Variants in TG observed in about 807,000 individuals in gnomAD.
The protein encoded by TG is thyroglobulin, also known as thyroid hormones.
In TG, 270 loss-of-function variants were observed where a neutral mutation model predicts 324.7. That is an observed-to-expected ratio of 0.83 (90% confidence interval 0.75 to 0.92). TG has a LOEUF of 0.92. TG is among the 40% of genes least tolerant of loss of function. The pLI is 0.00. For missense variants in TG, 3,591 were observed against 3,456.4 expected (o/e 1.04, Z -0.98); for synonymous variants, 1,401 against 1,327.0 (o/e 1.06, Z -1.21).
chr8:132,927,657 C>T lies in TG; in HGVS notation c.4700-1419C>T, dbSNP rs575475004. On this transcript the variant is annotated intron_variant, in intron 22 of 47. Coordinates refer to ENST00000220616, the MANE Select transcript of TG (RefSeq NM_003235.5). ...TGCTGAAATGTGAAGATCTCTATCA[C>T]CAAGGTGTCTCTTTTCTGAAAACCA... Among the ~76,000 whole-genome samples the T allele has an allele frequency of 8.5e-5, 13 of 152,232 alleles. No individual in the cohort carries two copies. The South Asian group carries it at 1.2e-3, about 15-fold the overall frequency.
intron 27 of TG, among the ~76,000 whole-genome samples, chr8:132,949,652 T>C (rs897913665): frequency 2.0e-5 from 3 of 152,218 alleles, no homozygotes; most frequent in Non-Finnish European, 4.4e-5. Flanking sequence ...CAGGGGACCA[T>C]GGGCTCCATT....
chr8:132,968,710 G>A (rs533549667), intron 31 of TG, among the ~76,000 whole-genome samples: 1 of 152,324 alleles, frequency 6.6e-6, no homozygotes, highest in South Asian at 2.1e-4. Flanking sequence ...ATCCTGTTGG[G>A]TTGCCCTTTG....
chr8:132,947,154 T>C (rs28540916), intron 26 of TG, among the ~76,000 whole-genome samples: 21,263 of 152,098 alleles, frequency 0.14, 1,950 homozygotes, highest in African/African-American at 0.26. Flanking sequence ...AGACAAACCA[T>C]TCTTCCTTTC....
chr8:133,003,849 C>A (rs2130847866), intron 35 of TG, among the ~76,000 whole-genome samples: 1 of 152,304 alleles, frequency 6.6e-6, no homozygotes, highest in Non-Finnish European at 1.5e-5. Context: ...CCATATAGGG[C>A]TGTCCTGGGT....
chr8:133,002,881 T>C (rs551151174), intron 35 of TG: 2 of 381,024 alleles, frequency 5.2e-6, no homozygotes, highest in African/African-American at 2.2e-5. Context: ...CTGGGGAACA[T>C]TGTAAACGCT....
At chr8:133,084,902 G>A (rs1449915321) in intron 41 of TG, among the ~76,000 whole-genome samples, 1 of 152,244 alleles carries the variant, frequency 6.6e-6, no homozygotes, top group African/African-American at 2.4e-5. Context: ...TAGAGGGTGG[G>A]TAGTGTCATG....
At chr8:132,897,838 T>A (rs777550753) in intron 12 of TG, 52 bp downstream of exon 12, 144 of 1,608,332 alleles carry the variant, frequency 9.0e-5, no homozygotes, top group Middle Eastern at 2.0e-4. Context: ...CTTTTTTATT[T>A]TAGAGGACAG....
chr8:132,997,784 G>C (rs996521130), intron 35 of TG, among the ~76,000 whole-genome samples: 1 of 152,204 alleles, frequency 6.6e-6, no homozygotes, highest in Admixed American at 6.5e-5. Flanking sequence ...GCTAAAAAAA[G>C]AATTGTGGAA....
chr8:132,948,799 A>G lies in TG; in HGVS notation c.5257A>G (p.Ser1753Gly), dbSNP rs1471586935. The G allele has an allele frequency of 2.5e-6, 4 of 1,613,852 alleles. No individual in the cohort carries two copies. The highest frequency in any genetic ancestry group is 4.5e-5 in the East Asian group (2 of 44,854). ...QGGAIICGLL[S>G]SPSVLLCNVK... ...AGGTGCCATCATCTGTGGGTTGCTGAGCTCACCCAGTGTCCTGCTTTGTAA... is the reference window on the plus strand; with the variant it reads ...AGGTGCCATCATCTGTGGGTTGCTGGGCTCACCCAGTGTCCTGCTTTGTAA... Residue 1753 changes from serine (S) to glycine (G), a missense_variant, in exon 27 of 48, where the codon AGC becomes GGC. By Grantham distance (56) the Ser-to-Gly change is moderately conservative (BLOSUM62 0). Transcript: ENST00000220616.
At chr8:133,038,811 A>C (rs1208171296) in intron 41 of TG, 1 of 944,166 alleles carries the variant, frequency 1.1e-6, no homozygotes, top group Non-Finnish European at 1.7e-6. Context: ...GATAAAGGGC[A>C]AGAGAATGAG....
At chr8:132,868,503 T>G (rs2132026189) in intron 2 of TG, among the ~76,000 whole-genome samples, 1 of 152,300 alleles carries the variant, frequency 6.6e-6, no homozygotes, top group East Asian at 1.9e-4. Flanking sequence ...CATCACTTTT[T>G]CTGTGATGGC....
rs199983151 is a variant in TG, at chr8:132,888,102, C to T, written c.2295C>T (p.Thr765=). The T allele has an allele frequency of 7.4e-5, 120 of 1,613,982 alleles. No individual in the cohort carries two copies. Among genetic ancestry groups the T allele is most frequent in the Non-Finnish European group, 3.6e-5 (43 of 1,180,036 alleles). The part of the protein sequence containing the change: ...LSDTYIPQCS[T]DGQWRQVQCN... ...ACACCTACATCCCACAGTGCAGCAC[C>T]GATGGGCAGTGGAGACAAGTGCAAT... The change falls in exon 10 of 48, where the codon ACC becomes ACT. Residue 765 remains threonine, a synonymous_variant. Coordinates refer to ENST00000220616, the MANE Select transcript of TG (RefSeq NM_003235.5).
rs1396521541 is a variant in TG at position 132,966,573 on chromosome 8, A to G, written c.5562A>G (p.Glu1854=). 1 of 1,613,944 alleles carries G rather than the reference A, an allele frequency of 6.2e-7. No individual in the cohort carries two copies. Among genetic ancestry groups the G allele is most frequent in the Non-Finnish European group, 8.5e-7 (1 of 1,180,002 alleles). Residue 1854 remains glutamate (E), a synonymous_variant, in exon 30 of 48, where the codon GAA becomes GAG. Coordinates refer to ENST00000220616, the MANE Select transcript of TG (RefSeq NM_003235.5). ...ASPTEAGLTT[E]LFSPVDLNQV... is the part of the protein sequence containing the mutation. ...CTTCTTTTTCAGGTTTGACAACAGA[A>G]CTTTTCTCCCCTGTGGACCTCAACC...
intron 25 of TG, among the ~76,000 whole-genome samples, chr8:132,937,215 G>C (rs998541025): frequency 6.6e-6 from 1 of 152,180 alleles, no homozygotes; most frequent in Non-Finnish European, 1.5e-5. Context: ...GGGAGTACAG[G>C]TGTCACTCTC....
chr8:132,896,507 C>T (rs1393233884), intron 11 of TG, among the ~76,000 whole-genome samples: 1 of 152,202 alleles, frequency 6.6e-6, no homozygotes, highest in African/African-American at 2.4e-5. Context: ...CGTTCTCCCT[C>T]CAGGATCCTG....
chr8:133,009,114 T>A (rs1453465070), intron 35 of TG, among the ~76,000 whole-genome samples: 1 of 152,248 alleles, frequency 6.6e-6, no homozygotes, highest in African/African-American at 2.4e-5. Flanking sequence ...ATTCACTCTT[T>A]AATTATAGTG....
intron 45 of TG, 100 bp downstream of exon 45, chr8:133,116,816 T>C: frequency 1.1e-6 from 1 of 935,436 alleles, no homozygotes; most frequent in Middle Eastern, 2.1e-4. Flanking sequence ...TAAGCCTCAG[T>C]TTCCTCATCT....
chr8:132,986,855 G>T (rs1311398840), intron 35 of TG, among the ~76,000 whole-genome samples: 2 of 152,086 alleles, frequency 1.3e-5, no homozygotes, highest in Non-Finnish European at 2.9e-5. Context: ...AAATTAAAGT[G>T]GTTTTCGGCT....
rs183377267 is a variant in TG at position 133,086,452 on chromosome 8, C to G, written c.7240-8592C>G. Among the ~76,000 whole-genome samples, 581 of 152,204 alleles carry G rather than the reference C, an allele frequency of 3.8e-3. 1 individual carries two copies. Among genetic ancestry groups the G allele is most frequent in the Non-Finnish European group, 6.9e-3 (466 of 68,002 alleles). On this transcript the variant is annotated intron_variant, in intron 41 of 47. Transcript: ENST00000220616. ...ATGTTTATCATACAACAAAAATATT[C>G]TTCTTTAATACGGATGTTCATGTGG...
Sources: gnomAD v4.1 joint callset for allele counts (sites outside exome capture counted in the v4.1 genomes callset) on GRCh38, gnomAD v4.1.1 for gene constraint, MANE v1.5 for transcripts, NCBI Gene and HGNC (gene_info 2026-07-23, HGNC 2026-07-21) for gene names.